Variants in TCERG1L observed in about 807,000 individuals in gnomAD.
TCERG1L encodes the protein transcription elongation regulator 1-like protein.
TCERG1L carries 37 observed loss-of-function variants against 56.3 expected under a neutral mutation model. The observed-to-expected ratio is 0.66, with a 90% CI of 0.51 to 0.87. The LOEUF is 0.87. Ranked by LOEUF, TCERG1L falls within the 40% of genes least tolerant of loss-of-function variation. TCERG1L has a pLI of 0.00. For synonymous variants in TCERG1L, 324 were observed against 326.3 expected (o/e 0.99, Z 0.08); for missense variants, 799 against 774.2 (o/e 1.03, Z -0.38).
intron 8 of TCERG1L, among the ~76,000 whole-genome samples, chr10:131,129,592 C>G (rs570229205): frequency 6.6e-6 from 1 of 152,084 alleles, no homozygotes; most frequent in Non-Finnish European, 1.5e-5. Flanking sequence ...TTTGTAGAGC[C>G]TTTTCAACCC....
intron 4 of TCERG1L, among the ~76,000 whole-genome samples, chr10:131,197,185 A>ATTTT (rs11412949): frequency 0.12 from 18,291 of 148,522 alleles, 1,375 homozygotes; most frequent in East Asian, 0.25. Context: ...TCTCTCCTCC[A>ATTTT]TTTTTTTTTT....
At chr10:131,283,672 A>G (rs1430584596) in intron 3 of TCERG1L, among the ~76,000 whole-genome samples, 1 of 152,202 alleles carries the variant, frequency 6.6e-6, no homozygotes, top group Admixed American at 6.5e-5. Context: ...AAAAACTGGA[A>G]AACGAAGATG....
At chr10:131,129,799 A>G (rs2133400415) in intron 8 of TCERG1L, among the ~76,000 whole-genome samples, 1 of 152,344 alleles carries the variant, frequency 6.6e-6, no homozygotes, top group South Asian at 2.1e-4. Flanking sequence ...AAGGAGGTGT[A>G]ATTGACTCAC....
chr10:131,185,380 T>C (rs188921584), intron 4 of TCERG1L, among the ~76,000 whole-genome samples: 5 of 152,186 alleles, frequency 3.3e-5, no homozygotes, highest in African/African-American at 1.2e-4. Context: ...AAAAAATTAA[T>C]AAACTGCATC....
chr10:131,214,061 C>T (rs553255120), intron 4 of TCERG1L, among the ~76,000 whole-genome samples: 1,946 of 152,122 alleles, frequency 0.013, 30 homozygotes, highest in African/African-American at 0.045. Flanking sequence ...CACACACACA[C>T]GCACAACAGT....
chr10:131,270,468 A>G (rs1846329166), intron 3 of TCERG1L, among the ~76,000 whole-genome samples: 1 of 152,232 alleles, frequency 6.6e-6, no homozygotes, highest in Non-Finnish European at 1.5e-5. Context: ...GCTCAGAGAT[A>G]AGCCAGAAAT....
chr10:131,270,634 C>G (rs1325995979), intron 3 of TCERG1L, among the ~76,000 whole-genome samples: 1 of 152,236 alleles, frequency 6.6e-6, no homozygotes, highest in Non-Finnish European at 1.5e-5. Context: ...TGGCTGCTGC[C>G]GTTGCTGGCG....
At chr10:131,257,049 G>GAAAGAAAGAAAAGA in intron 4 of TCERG1L, among the ~76,000 whole-genome samples, 2 of 140,386 alleles carry the variant, frequency 1.4e-5, no homozygotes, top group African/African-American at 5.3e-5. Context: ...AAGAAAGAAA[G>GAAAGAAAGAAAAGA]AAAGAAAAGA....
chr10:131,163,249 T>A, intron 5 of TCERG1L, 39 bp from the exon 6 acceptor site: 1 of 1,425,200 alleles, frequency 7.0e-7, no homozygotes, highest in Non-Finnish European at 9.4e-7. Flanking sequence ...CTTTTAATTT[T>A]AAACACTCAT....
At chr10:131,162,463 G>A (rs1284716649) in intron 6 of TCERG1L, 1 of 152,250 alleles carries the variant, frequency 6.6e-6, no homozygotes, top group Non-Finnish European at 1.5e-5. Context: ...TGGGGGCCCT[G>A]CGCTCCTTAG....
At chr10:131,299,473 C>G (rs1158133811) in intron 3 of TCERG1L, among the ~76,000 whole-genome samples, 2 of 143,570 alleles carry the variant, frequency 1.4e-5, no homozygotes, top group Non-Finnish European at 3.1e-5. Context: ...GTCTGCTGCT[C>G]TACTGTTTTA....
intron 4 of TCERG1L, among the ~76,000 whole-genome samples, chr10:131,173,424 C>T (rs1447778333): frequency 6.6e-6 from 1 of 152,136 alleles, no homozygotes; most frequent in African/African-American, 2.4e-5. Context: ...GGGGAAAATG[C>T]AATTTATGGC....
At chr10:131,132,930 G>A (rs1182925405) in intron 8 of TCERG1L, among the ~76,000 whole-genome samples, 1 of 152,216 alleles carries the variant, frequency 6.6e-6, no homozygotes, top group South Asian at 2.1e-4. Context: ...AGGCTTCCAC[G>A]TGCTGTGGGG....
intron 4 of TCERG1L, among the ~76,000 whole-genome samples, chr10:131,200,926 T>C (rs1711633416): frequency 6.6e-6 from 1 of 152,134 alleles, no homozygotes; most frequent in Admixed American, 6.5e-5. Flanking sequence ...AAGAGGCTTC[T>C]CGCACGGTTA....
At chr10:131,257,049 G>GAAAGAAAGAAAAAGAAAAGA (rs1564827261) in intron 4 of TCERG1L, among the ~76,000 whole-genome samples, 15 of 140,284 alleles carry the variant, frequency 1.1e-4, no homozygotes, top group African/African-American at 4.0e-4. Flanking sequence ...AAGAAAGAAA[G>GAAAGAAAGAAAAAGAAAAGA]AAAGAAAAGA....
intron 4 of TCERG1L, among the ~76,000 whole-genome samples, chr10:131,208,250 G>A (rs1317165933): frequency 6.6e-6 from 1 of 152,210 alleles, no homozygotes; most frequent in African/African-American, 2.4e-5. Flanking sequence ...GGATGCCCAG[G>A]TTACGTCACT....
At chr10:131,108,163 T>G (rs1338562024) in intron 9 of TCERG1L, among the ~76,000 whole-genome samples, 1 of 152,230 alleles carries the variant, frequency 6.6e-6, no homozygotes, top group Non-Finnish European at 1.5e-5. Flanking sequence ...GGCTGGTACC[T>G]GTCCAGAATG....
intron 4 of TCERG1L, among the ~76,000 whole-genome samples, chr10:131,183,138 C>T (rs1299411500): frequency 1.3e-5 from 2 of 152,098 alleles, no homozygotes; most frequent in African/African-American, 2.4e-5. Context: ...AGGGCAGGTA[C>T]ATTTTTCAAA....
At chr10:131,130,761 TACTGAGTTTTGGGGGAAACTGACTCCCCC>T (rs1287126317) in intron 8 of TCERG1L, among the ~76,000 whole-genome samples, 1 of 152,084 alleles carries the variant, frequency 6.6e-6, no homozygotes, top group African/African-American at 2.4e-5. Context: ...GTGGAGAAAG[TACTGAGTTTTGGGGGAAACTGACTCCCCC>T]ACTGATCAGT....
Sources: gnomAD v4.1 joint callset for allele counts (sites outside exome capture counted in the v4.1 genomes callset) on GRCh38, gnomAD v4.1.1 for gene constraint, MANE v1.5 for transcripts, NCBI Gene and HGNC (gene_info 2026-07-23, HGNC 2026-07-21) for gene names.